Variants in PRKCH observed in about 807,000 individuals in gnomAD.
The protein encoded by PRKCH is protein kinase C eta type.
In PRKCH, 28 loss-of-function variants were observed where a neutral mutation model predicts 82.5. The observed-to-expected ratio is 0.34, with a 90% CI of 0.25 to 0.47. The LOEUF (loss-of-function observed/expected upper bound fraction) is 0.47, where lower values mean the gene tolerates loss of function less well. Among genes scored for constraint, PRKCH ranks in the 20% least tolerant of loss-of-function variants. The pLI is 1.00. For synonymous variants in PRKCH, 322 were observed against 327.4 expected (o/e 0.98, Z 0.18); for missense variants, 705 against 881.8 (o/e 0.80, Z 2.54).
At chr14:61,466,983 A>G (rs1288420417) in intron 9 of PRKCH, among the ~76,000 whole-genome samples, 1 of 152,238 alleles carries the variant, frequency 6.6e-6, no homozygotes, top group Non-Finnish European at 1.5e-5. Flanking sequence ...ATGCTGGCAC[A>G]AAATGATCTC....
intron 1 of PRKCH, among the ~76,000 whole-genome samples, chr14:61,267,740 A>G (rs1594882554): frequency 3.9e-5 from 6 of 152,304 alleles, no homozygotes; most frequent in Admixed American, 3.9e-4. Context: ...TCTGGTTTTG[A>G]ATTCAAAAGC....
At chr14:61,205,531 T>C (rs957986742) in intron 1 of PRKCH, among the ~76,000 whole-genome samples, 1 of 152,058 alleles carries the variant, frequency 6.6e-6, no homozygotes, top group Non-Finnish European at 1.5e-5. Flanking sequence ...GATTGTTGCT[T>C]TATCCTGAAT....
At chr14:61,397,622 TA>T (rs1453916362) in intron 2 of PRKCH, among the ~76,000 whole-genome samples, 1 of 152,226 alleles carries the variant, frequency 6.6e-6, no homozygotes, top group African/African-American at 2.4e-5. Context: ...CCCATTTTGC[TA>T]AGATATTACT....
chr14:61,416,824 C>G (rs1242307090), intron 2 of PRKCH, among the ~76,000 whole-genome samples: 1 of 152,148 alleles, frequency 6.6e-6, no homozygotes, highest in African/African-American at 2.4e-5. Context: ...AGGCCAACAC[C>G]CCTTTCCTTT....
intron 1 of PRKCH, among the ~76,000 whole-genome samples, chr14:61,329,824 CG>C (rs1398787561): frequency 1.3e-5 from 2 of 152,174 alleles, no homozygotes; most frequent in Non-Finnish European, 2.9e-5. Flanking sequence ...CCTGAAAGAA[CG>C]GACGTATGAA....
At chr14:61,373,601 G>A (rs186932449) in intron 1 of PRKCH, among the ~76,000 whole-genome samples, 11 of 151,802 alleles carry the variant, frequency 7.2e-5, no homozygotes, top group African/African-American at 1.5e-4. Flanking sequence ...CAAAGTCTTC[G>A]TTTTTGTTTT....
intron 2 of PRKCH, among the ~76,000 whole-genome samples, chr14:61,395,297 C>CCCA (rs1555383094): frequency 6.8e-6 from 1 of 147,090 alleles, no homozygotes; most frequent in East Asian, 2.1e-4. Flanking sequence ...GGAGCCCCCC[C>CCCA]CCGCATTTGC....
At chr14:61,415,034 TCCTGTGAG>T (rs1882482745) in intron 2 of PRKCH, among the ~76,000 whole-genome samples, 1 of 152,256 alleles carries the variant, frequency 6.6e-6, no homozygotes, top group African/African-American at 2.4e-5. Flanking sequence ...GCCCCATTTT[TCCTGTGAG>T]CCCTGGTTCT....
At chr14:61,355,644 A>G (rs545533900) in intron 1 of PRKCH, among the ~76,000 whole-genome samples, 1 of 152,328 alleles carries the variant, frequency 6.6e-6, no homozygotes, top group Admixed American at 6.5e-5. Flanking sequence ...GGAAGATTTT[A>G]TAGTCTCATA....
intron 4 of PRKCH, among the ~76,000 whole-genome samples, chr14:61,446,476 C>T (rs1884231155): frequency 6.6e-6 from 1 of 152,228 alleles, no homozygotes; most frequent in African/African-American, 2.4e-5. Flanking sequence ...AATAGCACCA[C>T]ATATCCTAGA....
At chr14:61,472,985 T>C (rs1408089817) in intron 9 of PRKCH, among the ~76,000 whole-genome samples, 2 of 152,180 alleles carry the variant, frequency 1.3e-5, no homozygotes, top group East Asian at 3.8e-4. Context: ...CACCATGTGA[T>C]GGAGAGAAGA....
At chr14:61,446,670 C>T (rs1178140576) in intron 4 of PRKCH, among the ~76,000 whole-genome samples, 3 of 152,170 alleles carry the variant, frequency 2.0e-5, no homozygotes, top group Non-Finnish European at 4.4e-5. Context: ...ATCAATATGA[C>T]AGCAATAATT....
At chr14:61,395,298 C>CCT (rs1171911679) in intron 2 of PRKCH, among the ~76,000 whole-genome samples, 4 of 147,658 alleles carry the variant, frequency 2.7e-5, no homozygotes, top group South Asian at 2.3e-4. Context: ...GAGCCCCCCC[C>CCT]CGCATTTGCC....
chr14:61,492,765 C>T (rs942289454), intron 10 of PRKCH, among the ~76,000 whole-genome samples: 2 of 152,124 alleles, frequency 1.3e-5, no homozygotes, highest in Admixed American at 1.3e-4. Flanking sequence ...AGAGAGATAG[C>T]CATTAATAAG....
chr14:61,258,997 C>T (rs1487951809), intron 1 of PRKCH, among the ~76,000 whole-genome samples: 1 of 152,144 alleles, frequency 6.6e-6, no homozygotes, highest in Non-Finnish European at 1.5e-5. Flanking sequence ...TTCACTTTTG[C>T]CAAGTTCACG....
At chr14:61,515,476 T>C (rs1205994412) in intron 10 of PRKCH, among the ~76,000 whole-genome samples, 1 of 152,216 alleles carries the variant, frequency 6.6e-6, no homozygotes, top group Non-Finnish European at 1.5e-5. Context: ...TTTGTCATTG[T>C]ACTGACCTGG....
chr14:61,456,585 G>A (rs530986519), intron 7 of PRKCH, among the ~76,000 whole-genome samples: 7 of 152,284 alleles, frequency 4.6e-5, no homozygotes, highest in Middle Eastern at 6.8e-3. Flanking sequence ...AAACGTGTGC[G>A]TGTGTGTTAT....
intron 2 of PRKCH, among the ~76,000 whole-genome samples, chr14:61,430,917 G>T (rs1282250238): frequency 6.6e-6 from 1 of 152,158 alleles, no homozygotes; most frequent in Non-Finnish European, 1.5e-5. Context: ...ACCACGCCTG[G>T]CTAATTTTTT....
At chr14:61,508,927 G>A (rs1887264133) in intron 10 of PRKCH, among the ~76,000 whole-genome samples, 1 of 152,084 alleles carries the variant, frequency 6.6e-6, no homozygotes, top group Admixed American at 6.5e-5. Context: ...TCAAGACAGT[G>A]CTACCAATTA....
Sources: allele counts gnomAD v4.1 joint callset (sites outside exome capture counted in the v4.1 genomes callset), GRCh38; gene constraint gnomAD v4.1.1; transcripts MANE v1.5; gene names NCBI Gene and HGNC (gene_info 2026-07-23, HGNC 2026-07-21).